Variants in LMX1A observed in about 807,000 individuals in gnomAD.
LMX1A encodes the protein LIM homeobox transcription factor 1-alpha.
Under a neutral mutation model 49.1 loss-of-function variants are expected in LMX1A, and 15 were observed. The ratio of observed to expected loss-of-function variants is 0.31; its 90% CI spans 0.20 to 0.47. LMX1A has a LOEUF of 0.47. Among genes scored for constraint, LMX1A ranks in the 20% least tolerant of loss-of-function variants. LMX1A has a pLI of 1.00. For missense variants in LMX1A, 372 were observed against 475.8 expected (o/e 0.78, Z 2.03); for synonymous variants, 167 against 185.7 (o/e 0.90, Z 0.82).
intron 4 of LMX1A, among the ~76,000 whole-genome samples, chr1:165,239,449 G>C (rs938951180): frequency 1.3e-5 from 2 of 152,094 alleles, no homozygotes; most frequent in Non-Finnish European, 2.9e-5. Context: ...GCTTATCCCT[G>C]GCTCAAGTAT....
At chr1:165,311,719 GC>G (rs1213344649) in intron 3 of LMX1A, among the ~76,000 whole-genome samples, 2 of 152,202 alleles carry the variant, frequency 1.3e-5, no homozygotes, top group African/African-American at 4.8e-5. Flanking sequence ...GGGTTTGTTT[GC>G]CCCAGAGGCT....
At chr1:165,315,225 A>T (rs1157411683) in intron 3 of LMX1A, among the ~76,000 whole-genome samples, 1 of 152,002 alleles carries the variant, frequency 6.6e-6, no homozygotes, top group Admixed American at 6.5e-5. Flanking sequence ...TATGAAGGGG[A>T]TGTCCCCACG....
At chr1:165,318,720 C>A (rs1395243292) in intron 3 of LMX1A, among the ~76,000 whole-genome samples, 4 of 152,118 alleles carry the variant, frequency 2.6e-5, no homozygotes, top group Admixed American at 2.0e-4. Context: ...GCCCTACACT[C>A]TTCTTGCCTG....
chr1:165,272,632 A>G (rs12562556), intron 3 of LMX1A, among the ~76,000 whole-genome samples: 10,456 of 152,228 alleles, frequency 0.069, 415 homozygotes, highest in East Asian at 0.12. Flanking sequence ...TCAGGAAAGC[A>G]TGGAAGGAAG....
chr1:165,287,819 C>A (rs949059259), intron 3 of LMX1A, among the ~76,000 whole-genome samples: 4 of 152,016 alleles, frequency 2.6e-5, no homozygotes, highest in Admixed American at 6.6e-5. Context: ...TACTATATGC[C>A]TTATATTTCT....
chr1:165,274,578 C>T (rs1653907607), intron 3 of LMX1A, among the ~76,000 whole-genome samples: 1 of 152,206 alleles, frequency 6.6e-6, no homozygotes, highest in African/African-American at 2.4e-5. Flanking sequence ...CCAGCACTGG[C>T]CTCCAGGAGT....
At chr1:165,320,909 AAAC>A (rs989782466) in intron 3 of LMX1A, among the ~76,000 whole-genome samples, 5 of 152,238 alleles carry the variant, frequency 3.3e-5, no homozygotes, top group Admixed American at 2.0e-4. Context: ...CACAAAAGCT[AAAC>A]ATTATGTCCA....
chr1:165,346,548 ACCGAGGTAGGCTTTCAAAAT>A (rs537303595), intron 3 of LMX1A, among the ~76,000 whole-genome samples: 379 of 152,354 alleles, frequency 2.5e-3, no homozygotes, highest in Non-Finnish European at 4.2e-3. Flanking sequence ...TAAGAACAGC[ACCGAGGTAGGCTTTCAAAAT>A]CCTTTTTTAA....
chr1:165,349,564 GTT>G (rs1320162753), intron 3 of LMX1A, among the ~76,000 whole-genome samples: 11 of 151,988 alleles, frequency 7.2e-5, no homozygotes, highest in Non-Finnish European at 1.5e-4. Flanking sequence ...ATAGCCTTCA[GTT>G]CTTAATTTCT....
intron 3 of LMX1A, among the ~76,000 whole-genome samples, chr1:165,255,907 A>G (rs995637412): frequency 1.3e-5 from 2 of 151,916 alleles, no homozygotes; most frequent in East Asian, 1.9e-4. Flanking sequence ...CGGGAGGCAG[A>G]GGTTGCAGTG....
chr1:165,287,164 G>T (rs1305894978), intron 3 of LMX1A, among the ~76,000 whole-genome samples: 1 of 152,156 alleles, frequency 6.6e-6, no homozygotes, highest in Non-Finnish European at 1.5e-5. Flanking sequence ...CTAGCCAGTT[G>T]CCCCAAGTAG....
chr1:165,213,003 A>G (rs1229461098), intron 5 of LMX1A: 1 of 152,250 alleles, frequency 6.6e-6, no homozygotes, highest in African/African-American at 2.4e-5. Context: ...TCGCTTGGAC[A>G]CAGGAGATGG....
At chr1:165,309,350 C>T (rs533747331) in intron 3 of LMX1A, among the ~76,000 whole-genome samples, 2 of 152,324 alleles carry the variant, frequency 1.3e-5, no homozygotes, top group Admixed American at 1.3e-4. Flanking sequence ...GAAGGCACCT[C>T]TGCCTAGCAA....
chr1:165,236,964 C>T (rs1652471045), intron 4 of LMX1A, among the ~76,000 whole-genome samples: 1 of 151,678 alleles, frequency 6.6e-6, no homozygotes, highest in Non-Finnish European at 1.5e-5. Context: ...TTGATGGTTT[C>T]CTTCTACAAG....
At chr1:165,257,269 A>G (rs1653283018) in intron 3 of LMX1A, among the ~76,000 whole-genome samples, 1 of 151,932 alleles carries the variant, frequency 6.6e-6, no homozygotes, top group Non-Finnish European at 1.5e-5. Flanking sequence ...CCTGTTTTGT[A>G]TTTCTCTCTC....
chr1:165,271,978 C>A (rs1488690146), intron 3 of LMX1A, among the ~76,000 whole-genome samples: 1 of 152,204 alleles, frequency 6.6e-6, no homozygotes. Flanking sequence ...TTGGACAGCA[C>A]AGATAGAGGA....
intron 7 of LMX1A, among the ~76,000 whole-genome samples, chr1:165,206,742 C>T (rs1251703456): frequency 6.6e-6 from 1 of 152,112 alleles, no homozygotes; most frequent in Non-Finnish European, 1.5e-5. Context: ...AAAGTTGGTC[C>T]CACATAAAGA....
chr1:165,257,328 A>G (rs1469972461), intron 3 of LMX1A, among the ~76,000 whole-genome samples: 1 of 151,994 alleles, frequency 6.6e-6, no homozygotes, highest in African/African-American at 2.4e-5. Context: ...AGAAAGATCA[A>G]GCAGTTAAGA....
intron 3 of LMX1A, among the ~76,000 whole-genome samples, chr1:165,321,217 T>C (rs753155915): frequency 2.0e-5 from 3 of 152,112 alleles, no homozygotes; most frequent in Admixed American, 6.5e-5. Context: ...GAAAGTAGAC[T>C]AATGGTTGCC....
Sources: allele counts gnomAD v4.1 joint callset (sites outside exome capture counted in the v4.1 genomes callset), GRCh38; gene constraint gnomAD v4.1.1; transcripts MANE v1.5; gene names NCBI Gene and HGNC (gene_info 2026-07-23, HGNC 2026-07-21).